Variants in CACNA2D1 observed in about 807,000 individuals in gnomAD.
The protein encoded by CACNA2D1 is calcium voltage-gated channel auxiliary subunit alpha2delta 1.
Under a neutral mutation model 171.5 loss-of-function variants are expected in CACNA2D1, and 53 were observed. The ratio of observed to expected loss-of-function variants is 0.31; its 90% CI spans 0.25 to 0.39. The LOEUF is 0.39. CACNA2D1 is among the 10% of genes least tolerant of loss of function. The pLI, the probability that CACNA2D1 is intolerant of heterozygous loss-of-function variation, is 1.00. For missense variants in CACNA2D1, 903 were observed against 1,299.8 expected (o/e 0.69, Z 4.69); for synonymous variants, 442 against 443.1 (o/e 1.00, Z 0.03).
At chr7:82,094,341 A>G (rs1340604980) in intron 6 of CACNA2D1, among the ~76,000 whole-genome samples, 1 of 152,222 alleles carries the variant, frequency 6.6e-6, no homozygotes, top group African/African-American at 2.4e-5. Context: ...TTCTAAGACA[A>G]CATGAGGTTA....
chr7:82,389,152 A>T (rs966920911), intron 1 of CACNA2D1, among the ~76,000 whole-genome samples: 16 of 136,714 alleles, frequency 1.2e-4, no homozygotes, highest in African/African-American at 3.5e-4. Context: ...ATATATTTAT[A>T]TATATATATA....
chr7:82,418,030 T>C (rs1379761622), intron 1 of CACNA2D1, among the ~76,000 whole-genome samples: 3 of 152,204 alleles, frequency 2.0e-5, no homozygotes, highest in Non-Finnish European at 4.4e-5. Flanking sequence ...TGCCCAGGAC[T>C]GGGTAATTTA....
intron 3 of CACNA2D1, among the ~76,000 whole-genome samples, chr7:82,181,283 G>A (rs901794047): frequency 1.3e-5 from 2 of 151,968 alleles, no homozygotes; most frequent in African/African-American, 4.8e-5. Flanking sequence ...AGTGTTCACT[G>A]ATCCATCTCT....
intron 12 of CACNA2D1, among the ~76,000 whole-genome samples, chr7:82,014,701 T>G (rs1800208851): frequency 6.6e-6 from 1 of 152,136 alleles, no homozygotes; most frequent in Non-Finnish European, 1.5e-5. Flanking sequence ...TACCTGAGTG[T>G]CATGTTGCAT....
At chr7:82,125,702 C>A (rs1790258191) in intron 5 of CACNA2D1, among the ~76,000 whole-genome samples, 1 of 152,046 alleles carries the variant, frequency 6.6e-6, no homozygotes, top group Non-Finnish European at 1.5e-5. Flanking sequence ...CATAGTGAGA[C>A]CCTGTCTCTA....
intron 3 of CACNA2D1, among the ~76,000 whole-genome samples, chr7:82,296,955 C>A (rs186568685): frequency 1.3e-5 from 2 of 149,766 alleles, no homozygotes; most frequent in African/African-American, 2.5e-5. Flanking sequence ...CTCATATTGG[C>A]GGGGAGTGGT....
chr7:82,017,571 A>G (rs1312591404), intron 12 of CACNA2D1, among the ~76,000 whole-genome samples: 1 of 151,994 alleles, frequency 6.6e-6, no homozygotes, highest in Non-Finnish European at 1.5e-5. Flanking sequence ...TCCAGATGCT[A>G]AAGTCCACAG....
At chr7:82,025,992 T>C (rs1355422377) in intron 12 of CACNA2D1, among the ~76,000 whole-genome samples, 1 of 151,680 alleles carries the variant, frequency 6.6e-6, no homozygotes, top group African/African-American at 2.4e-5. Context: ...CTTTGTTATA[T>C]ATTATTGCTG....
chr7:82,292,724 C>T (rs1003314849), intron 3 of CACNA2D1, among the ~76,000 whole-genome samples: 5 of 152,090 alleles, frequency 3.3e-5, no homozygotes, highest in Admixed American at 6.6e-5. Flanking sequence ...CTCTTGTCAA[C>T]GTCCTGTTCA....
chr7:82,295,827 C>T (rs370657961), intron 3 of CACNA2D1, among the ~76,000 whole-genome samples: 8 of 151,906 alleles, frequency 5.3e-5, no homozygotes, highest in African/African-American at 1.7e-4. Context: ...TATTGCGGCA[C>T]TATTCACAAT....
At chr7:82,296,342 TC>T in intron 3 of CACNA2D1, among the ~76,000 whole-genome samples, 2 of 152,208 alleles carry the variant, frequency 1.3e-5, no homozygotes, top group Admixed American at 1.3e-4. Flanking sequence ...GATTAACATC[TC>T]AGAGCATTTC....
chr7:82,368,692 T>C (rs1259632807), intron 1 of CACNA2D1, among the ~76,000 whole-genome samples: 3 of 152,292 alleles, frequency 2.0e-5, no homozygotes, highest in Non-Finnish European at 4.4e-5. Flanking sequence ...CATAGGAACT[T>C]GTTATTTGTA....
At chr7:82,114,022 TATTG>T (rs778325780) in intron 6 of CACNA2D1, among the ~76,000 whole-genome samples, 10 of 152,188 alleles carry the variant, frequency 6.6e-5, no homozygotes, top group Non-Finnish European at 1.2e-4. Context: ...TTAAATATTT[TATTG>T]ATTCTCAAAA....
At chr7:82,036,134 C>G (rs753161304) in intron 11 of CACNA2D1, among the ~76,000 whole-genome samples, 1 of 152,094 alleles carries the variant, frequency 6.6e-6, no homozygotes, top group Non-Finnish European at 1.5e-5. Flanking sequence ...GTCACCTAAG[C>G]CCCTCTCACT....
At chr7:82,160,684 G>A (rs1024122969) in intron 4 of CACNA2D1, among the ~76,000 whole-genome samples, 5 of 151,930 alleles carry the variant, frequency 3.3e-5, no homozygotes, top group African/African-American at 1.2e-4. Context: ...ACGTGGCCCA[G>A]GCTAATCTTG....
chr7:81,966,634 C>T (rs1794732320), intron 31 of CACNA2D1, among the ~76,000 whole-genome samples: 1 of 151,188 alleles, frequency 6.6e-6, no homozygotes, highest in Non-Finnish European at 1.5e-5. Flanking sequence ...GAACAAAGTT[C>T]ACATTTCCTT....
At chr7:82,353,599 C>A (rs559562480) in intron 1 of CACNA2D1, among the ~76,000 whole-genome samples, 1 of 151,836 alleles carries the variant, frequency 6.6e-6, no homozygotes, top group South Asian at 2.1e-4. Context: ...ATTTAAAGAA[C>A]AAATAGAGGA....
chr7:82,304,350 C>CAA (rs57228879), intron 3 of CACNA2D1, among the ~76,000 whole-genome samples: 13 of 122,488 alleles, frequency 1.1e-4, no homozygotes, highest in Admixed American at 7.4e-4. Context: ...GATATTAATC[C>CAA]AAAAAAAAAA....
intron 3 of CACNA2D1, among the ~76,000 whole-genome samples, chr7:82,294,415 A>G (rs777833802): frequency 6.6e-6 from 1 of 151,928 alleles, no homozygotes; most frequent in Non-Finnish European, 1.5e-5. Flanking sequence ...TCACACTTGC[A>G]ATTTCTATAT....
Sources: gnomAD v4.1 joint callset for allele counts (sites outside exome capture counted in the v4.1 genomes callset) on GRCh38, gnomAD v4.1.1 for gene constraint, MANE v1.5 for transcripts, NCBI Gene and HGNC (gene_info 2026-07-23, HGNC 2026-07-21) for gene names.